CPLANE1: variants seen among roughly 807,000 people sequenced by gnomAD.
The protein encoded by CPLANE1 is ciliogenesis and planar polarity effector 1.
Under a neutral mutation model 362.5 loss-of-function variants are expected in CPLANE1, and 263 were observed. That is an observed-to-expected ratio of 0.73 (90% CI 0.66 to 0.80). The LOEUF (loss-of-function observed/expected upper bound fraction) is 0.80, where lower values mean the gene tolerates loss of function less well. CPLANE1 is among the 30% of genes least tolerant of loss of function. The pLI is 0.00. For missense variants in CPLANE1, 3,461 were observed against 3,793.4 expected (o/e 0.91, Z 2.30); for synonymous variants, 1,212 against 1,302.6 (o/e 0.93, Z 1.50).
At chr5:37,186,082 G>A (rs1783897808) in intron 24 of CPLANE1, among the ~76,000 whole-genome samples, 1 of 152,230 alleles carries the variant, frequency 6.6e-6, no homozygotes. Flanking sequence ...ACAGAGCCAT[G>A]AGCCGAAGTC....
chr5:37,187,076 A>C lies in CPLANE1; in HGVS notation c.4080+338T>G, dbSNP rs935621099. On this transcript the variant is annotated intron_variant, in intron 23 of 52. Coordinates refer to ENST00000651892, the MANE Select transcript of CPLANE1 (RefSeq NM_001384732.1). ...ACTCCGTCTCAAAAAAAAAAAAAAA[A>C]AAAAAAAAAAACTATAGTCACTATA... Among the ~76,000 whole-genome samples the C allele has an allele frequency of 2.1e-3, 310 of 149,400 alleles. 7 individuals carry two copies. The highest frequency in any genetic ancestry group is 4.2e-3 in the African/African-American group (171 of 40,420).
chr5:37,206,511 G>A, intron 16 of CPLANE1, 86 bp from the exon 17 acceptor site: 1 of 871,090 alleles, frequency 1.1e-6, no homozygotes, highest in Non-Finnish European at 1.8e-6. Context: ...TCTTCAATCA[G>A]TATTATCTAC....
chr5:37,165,213 C>T (rs1777921138), intron 36 of CPLANE1, among the ~76,000 whole-genome samples: 2 of 152,262 alleles, frequency 1.3e-5, no homozygotes, highest in African/African-American at 4.8e-5. Flanking sequence ...AACGGTGAAA[C>T]TGTATTAGGA....
chr5:37,099,866 G>T, the CPLANE1 span, among the ~76,000 whole-genome samples: 1 of 152,144 alleles, frequency 6.6e-6, no homozygotes, highest in South Asian at 2.1e-4. Flanking sequence ...CTAATGATCA[G>T]TGATGTTGAG....
chr5:37,127,681 G>A (rs2150175042), intron 46 of CPLANE1, among the ~76,000 whole-genome samples: 1 of 151,518 alleles, frequency 6.6e-6, no homozygotes, highest in Non-Finnish European at 1.5e-5. Flanking sequence ...ACCACGCCCG[G>A]CTTTTTGCAT....
intron 32 of CPLANE1, among the ~76,000 whole-genome samples, chr5:37,173,280 G>GAAATA (rs1780288535): frequency 1.3e-5 from 2 of 152,318 alleles, no homozygotes; most frequent in Non-Finnish European, 2.9e-5. Flanking sequence ...ATATGTGATA[G>GAAATA]TGTCAGCTGG....
At chr5:37,130,040 A>C (rs75360494) in intron 46 of CPLANE1, among the ~76,000 whole-genome samples, 4,339 of 152,316 alleles carry the variant, frequency 0.028, 220 homozygotes, top group African/African-American at 0.098. Flanking sequence ...TGGTACACAT[A>C]TACACCATGT....
At chr5:37,193,715 G>A (rs1295777884) in intron 21 of CPLANE1, among the ~76,000 whole-genome samples, 1 of 151,896 alleles carries the variant, frequency 6.6e-6, no homozygotes, top group African/African-American at 2.4e-5. Flanking sequence ...AACAAACTAG[G>A]GAAAGGAACC....
intron 9 of CPLANE1, among the ~76,000 whole-genome samples, chr5:37,228,816 A>G (rs1797024326): frequency 6.6e-6 from 1 of 152,222 alleles, no homozygotes; most frequent in African/African-American, 2.4e-5. Context: ...ATAATCAGAA[A>G]AAAAGCAGTT....
intron 15 of CPLANE1, among the ~76,000 whole-genome samples, chr5:37,220,553 T>C (rs897731632): frequency 1.3e-5 from 2 of 151,296 alleles, no homozygotes; most frequent in African/African-American, 4.9e-5. Flanking sequence ...TGAGATGGAG[T>C]CTGGCTCTGT....
chr5:37,235,457 T>C (rs1798748750), intron 8 of CPLANE1, among the ~76,000 whole-genome samples: 2 of 151,712 alleles, frequency 1.3e-5, no homozygotes, highest in South Asian at 4.2e-4. Flanking sequence ...CAATGCAATC[T>C]CTATCAAATT....
At chr5:37,115,536 T>C (rs1048566148) in intron 50 of CPLANE1, among the ~76,000 whole-genome samples, 1 of 151,714 alleles carries the variant, frequency 6.6e-6, no homozygotes, top group Admixed American at 6.6e-5. Context: ...AGGGCAAAAA[T>C]CAGCAGCAGA....
In CPLANE1 at chr5:37,231,017, T is replaced by C; in HGVS notation, c.971A>G (p.His324Arg). 2.6e-6 allele frequency: 4 copies of C among 1,546,882 alleles called. No individual in the cohort carries two copies. In the South Asian group the frequency reaches 3.6e-5, roughly 14 times the overall value. Residue 324 changes from histidine to arginine, a missense_variant, in exon 9 of 53, where the codon CAT becomes CGT. Physicochemically the swap from His to Arg is conservative, Grantham distance 29. Transcript: ENST00000651892. Reference protein sequence around the residue: ...SYWVGDISWTHDSLFLACMLK... With the variant: ...SYWVGDISWTRDSLFLACMLK... ...CATACAAGCCAGAAAAAGACTATCA[T>C]GCGTCCAGCTGATATCACCTACCCA...
rs1215626789 is a variant in CPLANE1 at position 37,247,637 on chromosome 5, C to T, written c.62G>A (p.Arg21His). Residue 21 changes from arginine to histidine, a missense_variant, in exon 2 of 53, where the codon CGT becomes CAT. This residue lies in a region of CPLANE1 where 3,380 missense variants were observed against 3,666.1 expected (regional missense o/e 0.92). Transcript: ENST00000651892. ...ACCTACCTTTCCCAACCAGGAGACA[C>T]GTGGCCATGGTTTTTTCTGCTTAAT... ...TGIKQKKPWP[R>H]VSWLGKEKEA... 18 of 1,550,938 alleles carry T rather than the reference C, an allele frequency of 1.2e-5. No individual in the cohort carries two copies. The highest frequency in any genetic ancestry group is 4.9e-5 in the East Asian group (2 of 40,892).
intron 7 of CPLANE1, among the ~76,000 whole-genome samples, chr5:37,239,273 A>G (rs1799737130): frequency 6.6e-6 from 1 of 152,078 alleles, no homozygotes; most frequent in Non-Finnish European, 1.5e-5. Flanking sequence ...TGGATTAAAC[A>G]CCACCAACTT....
At chr5:37,199,554 T>C (rs560792619) in intron 19 of CPLANE1, among the ~76,000 whole-genome samples, 1 of 152,334 alleles carries the variant, frequency 6.6e-6, no homozygotes, top group South Asian at 2.1e-4. Context: ...GGCCTTGTCA[T>C]TTGTCTTCGT....
chr5:37,208,436 G>A (rs1379745512), intron 16 of CPLANE1, among the ~76,000 whole-genome samples: 3 of 152,214 alleles, frequency 2.0e-5, no homozygotes, highest in African/African-American at 7.2e-5. Context: ...CCAGCACTTT[G>A]GGAGGCCGAG....
chr5:37,140,663 T>C (rs1769419467), intron 44 of CPLANE1: 2 of 985,346 alleles, frequency 2.0e-6, no homozygotes, highest in Non-Finnish European at 2.4e-6. Context: ...CTGGGCTGCA[T>C]ATGGGGAAGT....
chr5:37,094,662 A>G, the CPLANE1 span, among the ~76,000 whole-genome samples: 2 of 152,242 alleles, frequency 1.3e-5, no homozygotes, highest in Non-Finnish European at 2.9e-5. Context: ...CATTGAAAAG[A>G]TAAATAAAAT....
Sources: gnomAD v4.1 joint callset for allele counts (sites outside exome capture counted in the v4.1 genomes callset) on GRCh38, gnomAD v4.1.1 for gene constraint, gnomAD v4.1.1 regional missense constraint, MANE v1.5 for transcripts, NCBI Gene and HGNC (gene_info 2026-07-23, HGNC 2026-07-21) for gene names.